The following CLOCK variants were observed in gnomAD, a reference collection of about 807,000 sequenced individuals.
The protein encoded by CLOCK is clock circadian regulator, also known as circadian locomoter output cycles protein kaput.
Under a neutral mutation model 118.4 loss-of-function variants are expected in CLOCK, and 43 were observed. The ratio of observed to expected loss-of-function variants is 0.36; its 90% CI spans 0.28 to 0.47. The LOEUF (loss-of-function observed/expected upper bound fraction) is 0.47. CLOCK is among the 20% of genes least tolerant of loss of function. CLOCK has a pLI of 1.00. For missense variants in CLOCK, 846 were observed against 999.9 expected, an observed-to-expected ratio of 0.85 and a Z score of 2.08; for synonymous variants, 326 against 339.2, an observed-to-expected ratio of 0.96 and a Z score of 0.43.
At chr4:55,461,985 A>G (rs962172221) in intron 9 of CLOCK, among the ~76,000 whole-genome samples, 5 of 151,838 alleles carry the variant, frequency 3.3e-5, no homozygotes, top group Non-Finnish European at 7.4e-5. Flanking sequence ...GACCTACCAA[A>G]TTTTCTAAGC....
At chr4:55,451,499 ACCAT>A (rs1724451573) in intron 15 of CLOCK, among the ~76,000 whole-genome samples, 1 of 152,190 alleles carries the variant, frequency 6.6e-6, no homozygotes, top group South Asian at 2.1e-4. Flanking sequence ...TGATTTTGAA[ACCAT>A]CCACACATTG....
chr4:55,463,433 C>A (rs141786485), intron 9 of CLOCK, among the ~76,000 whole-genome samples: 22 of 152,032 alleles, frequency 1.4e-4, no homozygotes, highest in Non-Finnish European at 2.4e-4. Context: ...TAAAATACAG[C>A]TTTATGGCAT....
Position 55,456,279 on chromosome 4 carries a change from G to A in CLOCK, c.814C>T (p.Pro272Ser), listed in dbSNP as rs1185488071. ...FIKEMCTVEE[P>S]NEEFTSRHSL... ...TGTCTAGATGTAAACTCTTCATTGG[G>A]TTCTTCAACAGTGCACATTTCCTAC... Residue 272 changes from proline (P) to serine (S), a missense_variant, in exon 12 of 23, where the codon CCC becomes TCC. Pro to Ser is a moderately conservative substitution (Grantham distance 74). Transcript: ENST00000513440. The A allele has an allele frequency of 6.3e-7, 1 of 1,597,956 alleles. No homozygotes were observed. The highest frequency in any genetic ancestry group is 8.6e-7 in the Non-Finnish European group (1 of 1,167,666).
chr4:55,455,798 A>G, intron 13 of CLOCK, 99 bp downstream of exon 13: 3 of 895,924 alleles, frequency 3.3e-6, no homozygotes, highest in Non-Finnish European at 5.6e-6. Context: ...CAAAAATATG[A>G]AAATGATTAT....
intron 1 of CLOCK, among the ~76,000 whole-genome samples, chr4:55,525,368 A>G (rs1386235383): frequency 1.3e-5 from 2 of 152,222 alleles, no homozygotes; most frequent in African/African-American, 4.8e-5. Flanking sequence ...CTAGCTACTC[A>G]GAAGTCTGAG....
chr4:55,521,221 T>G (rs1170178378), intron 1 of CLOCK, among the ~76,000 whole-genome samples: 1 of 152,146 alleles, frequency 6.6e-6, no homozygotes, highest in Non-Finnish European at 1.5e-5. Context: ...AATTTCTATT[T>G]TTTTTGTGTT....
chr4:55,514,091 C>T (rs1729329685), intron 1 of CLOCK, among the ~76,000 whole-genome samples: 1 of 152,024 alleles, frequency 6.6e-6, no homozygotes, highest in Non-Finnish European at 1.5e-5. Flanking sequence ...AATCAGTATA[C>T]ATTTCTTTTC....
chr4:55,453,044 AG>A lies in CLOCK; in HGVS notation c.1206+9del. On this transcript the variant is annotated intron_variant, in intron 15 of 22. Transcript: ENST00000513440. ...TTAAAAATAATTTTTTTTAATTATA[AG>A]AAACATACTTTGTCAGCAGCTGTCT... 1.9e-6 allele frequency: 3 copies of A among 1,589,518 alleles called. No homozygotes were observed. Among genetic ancestry groups the A allele is most frequent in the Non-Finnish European group, 2.6e-6 (3 of 1,162,820 alleles).
chr4:55,481,176 T>TA (rs1263984209), intron 4 of CLOCK, among the ~76,000 whole-genome samples: 1 of 152,226 alleles, frequency 6.6e-6, no homozygotes, highest in Admixed American at 6.5e-5. Flanking sequence ...TAAAGGCCTA[T>TA]ATGCTATAAA....
At chr4:55,514,816 A>C (rs1441225564) in intron 1 of CLOCK, among the ~76,000 whole-genome samples, 2 of 152,184 alleles carry the variant, frequency 1.3e-5, no homozygotes, top group African/African-American at 4.8e-5. Context: ...ATTTATGTTC[A>C]TAAGAGATAT....
At chr4:55,503,008 G>C (rs1448209233) in intron 2 of CLOCK, among the ~76,000 whole-genome samples, 1 of 152,122 alleles carries the variant, frequency 6.6e-6, no homozygotes, top group African/African-American at 2.4e-5. Flanking sequence ...TTCAAGTGTT[G>C]GTGAGGATGT....
rs777665539 is a variant in CLOCK at position 55,428,770 on chromosome 4, A to C, written c.*6645T>G. ...CTACCAACTGATGTTAACAATGAAA[A>C]ATTTACAAAGGTAAAACTTTTTTTT... On this transcript the variant is annotated 3_prime_UTR_variant, in exon 23 of 23. Transcript: ENST00000513440. The C allele has an allele frequency of 2.0e-5, 3 of 151,944 alleles. No individual in the cohort carries two copies. Among genetic ancestry groups the C allele is most frequent in the Non-Finnish European group, 4.4e-5 (3 of 67,998 alleles). 9.4% of individuals were successfully genotyped at this position (151,944 alleles called of 1,614,324 possible).
At chr4:55,534,351 AAAAG>A (rs923668157) in intron 1 of CLOCK, among the ~76,000 whole-genome samples, 1 of 152,140 alleles carries the variant, frequency 6.6e-6, no homozygotes, top group African/African-American at 2.4e-5. Flanking sequence ...ATACCACAAA[AAAAG>A]AAAGCTACAG....
intron 2 of CLOCK, among the ~76,000 whole-genome samples, chr4:55,493,722 CAAAAT>C (rs1426032051): frequency 6.6e-6 from 1 of 152,132 alleles, no homozygotes; most frequent in African/African-American, 2.4e-5. Flanking sequence ...AAGATATTGG[CAAAAT>C]AAAACACATA....
chr4:55,448,588 GCGCGCA>G lies in CLOCK; in HGVS notation c.1539+185_1539+190del, dbSNP rs144214865. ...TGTAACTATAATTATATATGTGCGC[GCGCGCA>G]CGCGCGCGTGTGTGTGTGTGTGTGT... On this transcript the variant is annotated intron_variant, in intron 18 of 22. Coordinates refer to ENST00000513440, the MANE Select transcript of CLOCK (RefSeq NM_004898.4). Among the ~76,000 whole-genome samples, 170 of 80,126 alleles carry G rather than the reference GCGCGCA, an allele frequency of 2.1e-3. 1 individual carries two copies. Among genetic ancestry groups the G allele is most frequent in the South Asian group, 7.4e-3 (10 of 1,354 alleles). 52.6% of individuals were successfully genotyped at this position (80,126 alleles called of 152,430 possible).
At position 55,455,969 on chromosome 4, in the gene CLOCK, C is replaced by G; in HGVS notation, c.910G>C (p.Val304Leu). The G allele has an allele frequency of 3.1e-6, 5 of 1,613,520 alleles. No individual in the cohort carries two copies. The highest frequency in any genetic ancestry group is 4.2e-6 in the Non-Finnish European group (5 of 1,179,720). The change falls in exon 13 of 23, where the codon GTT (valine) becomes CTT (leucine). Residue 304 changes from valine to leucine, a missense_variant. By Grantham distance (32) the Val-to-Leu change is conservative. Around this residue, in one of 4 missense-constraint regions of CLOCK, gnomAD observed 66 missense variants for 99.4 expected, o/e 0.66. Coordinates refer to ENST00000513440, the MANE Select transcript of CLOCK (RefSeq NM_004898.4). ...TAATCATAGCCTGATGTTCCCAGAA[C>G]TTCAAATGGCAAATACCCTATTATG... ...PPIIGYLPFE[V>L]LGTSGYDYYH...
Position 55,542,325 on chromosome 4 carries a change from C to CAG in CLOCK, c.-290+4455_-290+4456dup, listed in dbSNP as rs201906445. On this transcript the variant is annotated intron_variant, in intron 1 of 22. Coordinates refer to ENST00000513440, the MANE Select transcript of CLOCK (RefSeq NM_004898.4). Reference sequence around the variant, plus strand: ...CGCCACTGCACTCCAGCCCGGGTGACAGAGAGAGACTCTGTCTCAAATAAT... The same window carrying CAG: ...CGCCACTGCACTCCAGCCCGGGTGACAGAGAGAGAGACTCTGTCTCAAATAAT... Among the ~76,000 whole-genome samples the CAG allele has an allele frequency of 7.8e-3, 1,153 of 148,098 alleles. 13 individuals are homozygous for CAG. The highest frequency in any genetic ancestry group is 0.027 in the African/African-American group (1,070 of 39,936).
In CLOCK at chr4:55,428,345, A is replaced by G. The variant is rs1295157809; in HGVS notation, c.*7070T>C. On this transcript the variant is annotated 3_prime_UTR_variant, in exon 23 of 23. Transcript: ENST00000513440. ...TACACCAAATTAAAATGGCAATATT[A>G]AATCGGTAACAAAACGATCCACATT... The G allele has an allele frequency of 1.3e-5, 2 of 152,228 alleles. No homozygotes were observed. The highest frequency in any genetic ancestry group is 2.9e-5 in the Non-Finnish European group (2 of 68,036). The allele number at this position is 152,228 out of a possible 1,614,324, so 9.4% of individuals were successfully genotyped here.
chr4:55,528,835 G>T (rs1310379126), intron 1 of CLOCK, among the ~76,000 whole-genome samples: 9 of 152,180 alleles, frequency 5.9e-5, no homozygotes, highest in Admixed American at 5.9e-4. Context: ...GGGTCTTCTG[G>T]TGTCAATGTC....
Sources: allele counts gnomAD v4.1 joint callset (sites outside exome capture counted in the v4.1 genomes callset), GRCh38; gene constraint gnomAD v4.1.1; regional missense constraint gnomAD v4.1.1; transcripts MANE v1.5; gene names NCBI Gene and HGNC (gene_info 2026-07-23, HGNC 2026-07-21).